LOC400499: variants seen among roughly 807,000 people sequenced by gnomAD.
the LOC400499 span, among the ~76,000 whole-genome samples, chr16:11,408,973 T>C: frequency 1.3e-5 from 2 of 151,866 alleles, no homozygotes; most frequent in Non-Finnish European, 2.9e-5. Flanking sequence ...TAATAAAATG[T>C]TGGGGGGCCA....
chr16:11,509,714 C>G, the LOC400499 span, among the ~76,000 whole-genome samples: 42 of 152,038 alleles, frequency 2.8e-4, no homozygotes, highest in South Asian at 8.5e-3. Flanking sequence ...GCCTGTAATC[C>G]CAGTTACACG....
chr16:11,469,898 C>A, the LOC400499 span, among the ~76,000 whole-genome samples: 1 of 152,120 alleles, frequency 6.6e-6, no homozygotes, highest in African/African-American at 2.4e-5. Context: ...CTGCACAGAC[C>A]CCTCCCATCC....
the LOC400499 span, among the ~76,000 whole-genome samples, chr16:11,456,031 T>C: frequency 1.4e-5 from 2 of 145,946 alleles, no homozygotes; most frequent in South Asian, 2.2e-4. Flanking sequence ...GAAAAAAAAA[T>C]TCGTGGATAA....
chr16:11,384,097 C>T, the LOC400499 span: 2 of 1,229,278 alleles, frequency 1.6e-6, no homozygotes, highest in Non-Finnish European at 1.0e-6. Flanking sequence ...TTCCCCCAAA[C>T]CCTGGGCCTA....
chr16:11,400,637 C>T, the LOC400499 span, among the ~76,000 whole-genome samples: 2 of 152,048 alleles, frequency 1.3e-5, no homozygotes, highest in Admixed American at 6.6e-5. Context: ...GACAGGATTT[C>T]GCCATGTTGG....
At chr16:11,418,728 G>C in the LOC400499 span, among the ~76,000 whole-genome samples, 1 of 152,330 alleles carries the variant, frequency 6.6e-6, no homozygotes, top group East Asian at 1.9e-4. Flanking sequence ...CAACACAATA[G>C]CAGTAGAATG....
chr16:11,512,416 A>G, the LOC400499 span, among the ~76,000 whole-genome samples: 89,685 of 151,908 alleles, frequency 0.59, 26,917 homozygotes, highest in Admixed American at 0.66. Context: ...CAGCCTGGCC[A>G]ACATGGGGAA....
the LOC400499 span, among the ~76,000 whole-genome samples, chr16:11,496,472 T>G: frequency 3.9e-5 from 6 of 152,366 alleles, no homozygotes; most frequent in East Asian, 1.2e-3. Flanking sequence ...AGCATCTGTG[T>G]GTGTGCATAT....
chr16:11,445,457 G>A, the LOC400499 span, among the ~76,000 whole-genome samples: 85 of 152,102 alleles, frequency 5.6e-4, no homozygotes, highest in South Asian at 0.017. Flanking sequence ...ATAAGGCATC[G>A]CTAGGGTAAG....
chr16:11,437,697 A>G, the LOC400499 span, among the ~76,000 whole-genome samples: 3 of 152,084 alleles, frequency 2.0e-5, no homozygotes, highest in African/African-American at 4.8e-5. Context: ...GTGAAATCCC[A>G]TCTCTACTAA....
At chr16:11,448,785 G>A in the LOC400499 span, 1 of 522,566 alleles carries the variant, frequency 1.9e-6, no homozygotes, top group Non-Finnish European at 3.2e-6. Context: ...AGAAATAGAG[G>A]CTCCAGGAGG....
chr16:11,478,171 A>G, the LOC400499 span, among the ~76,000 whole-genome samples: 2 of 150,092 alleles, frequency 1.3e-5, no homozygotes, highest in African/African-American at 4.9e-5. Flanking sequence ...GGGACTACAG[A>G]CGCCTGCCAC....
At chr16:11,447,887 A>T in the LOC400499 span, 5 of 1,506,932 alleles carry the variant, frequency 3.3e-6, no homozygotes, top group East Asian at 1.0e-4. Context: ...GTGCTAGAGA[A>T]GGGGAAACTT....
chr16:11,402,887 G>T, the LOC400499 span, among the ~76,000 whole-genome samples: 1 of 152,246 alleles, frequency 6.6e-6, no homozygotes. Flanking sequence ...CCTCTCGGGG[G>T]CCTCACATGC....
At chr16:11,402,882 C>A in the LOC400499 span, among the ~76,000 whole-genome samples, 1 of 152,168 alleles carries the variant, frequency 6.6e-6, no homozygotes, top group Non-Finnish European at 1.5e-5. Flanking sequence ...GCATCCCTCT[C>A]GGGGGCCTCA....
the LOC400499 span, chr16:11,390,510 G>C: frequency 8.1e-7 from 1 of 1,227,028 alleles, no homozygotes; most frequent in African/African-American, 1.6e-5. Flanking sequence ...GGGCAGGTCA[G>C]AGAACCAGCC....
the LOC400499 span, among the ~76,000 whole-genome samples, chr16:11,486,527 G>C: frequency 3.9e-5 from 5 of 128,840 alleles, no homozygotes; most frequent in African/African-American, 1.2e-4. Flanking sequence ...TGGCTGGATA[G>C]ATGATGGGAG....
At chr16:11,387,257 G>T in the LOC400499 span, 3 of 1,232,130 alleles carry the variant, frequency 2.4e-6, no homozygotes, top group Non-Finnish European at 3.0e-6. Flanking sequence ...CTCGTCCCCC[G>T]CAGGCAACAG....
At chr16:11,424,049 G>T in the LOC400499 span, 1 of 399,188 alleles carries the variant, frequency 2.5e-6, no homozygotes, top group Admixed American at 4.4e-5. Flanking sequence ...AAAGCTGTTG[G>T]GTGTCCCTGG....
Sources: allele counts gnomAD v4.1 joint callset (sites outside exome capture counted in the v4.1 genomes callset), GRCh38; gene constraint gnomAD v4.1.1; transcripts MANE v1.5.